RAVER2: variants seen among roughly 807,000 people sequenced by gnomAD.
RAVER2 encodes the protein ribonucleoprotein, PTB binding 2, also known as ribonucleoprotein PTB-binding 2.
In RAVER2, 46 loss-of-function variants were observed where a neutral mutation model predicts 78.1. The ratio of observed to expected loss-of-function variants is 0.59; its 90% CI spans 0.46 to 0.75. RAVER2 has a LOEUF of 0.75. Ranked by LOEUF, RAVER2 falls within the 30% of genes least tolerant of loss-of-function variation. The pLI, the probability that RAVER2 is intolerant of heterozygous loss-of-function variation, is 0.00. For synonymous variants in RAVER2, 311 were observed against 313.3 expected, an observed-to-expected ratio of 0.99 and a Z score of 0.08; for missense variants, 793 against 837.5, an observed-to-expected ratio of 0.95 and a Z score of 0.66.
At chr1:64,757,687 C>G (rs74994862) in intron 1 of RAVER2, among the ~76,000 whole-genome samples, 3,240 of 152,274 alleles carry the variant, frequency 0.021, 139 homozygotes, top group African/African-American at 0.075. Context: ...AAACCAAGAT[C>G]TGGAAACTAG....
At chr1:64,772,093 GGTAAT>G (rs1652336147) in intron 2 of RAVER2, among the ~76,000 whole-genome samples, 1 of 152,050 alleles carries the variant, frequency 6.6e-6, no homozygotes, top group Non-Finnish European at 1.5e-5. Flanking sequence ...CAAGGAAAAT[GGTAAT>G]GTAATTAATC....
At chr1:64,773,377 C>T (rs1557588722) in intron 2 of RAVER2, among the ~76,000 whole-genome samples, 3 of 151,904 alleles carry the variant, frequency 2.0e-5, no homozygotes, top group Admixed American at 6.6e-5. Flanking sequence ...ATGTTCCCCT[C>T]CCTGTGTCCA....
chr1:64,745,321 A>C lies in RAVER2; in HGVS notation c.149A>C (p.His50Pro). 3 of 1,534,506 alleles carry C rather than the reference A, an allele frequency of 2.0e-6. No individual in the cohort carries two copies. Among genetic ancestry groups the C allele is most frequent in the Non-Finnish European group, 2.6e-6 (3 of 1,139,284 alleles). ...CCGGACCCGATGCCCGCCGCGCTGC[A>C]CCCTGAGGAGGTCGCCGCGCGACTG... Residue 50 changes from histidine to proline, a missense_variant, in exon 1 of 12, where the codon CAC becomes CCC. Physicochemically the swap from His to Pro is moderately conservative, Grantham distance 77. Transcript: ENST00000294428. The surrounding 1 kb of genome is among the most constrained non-coding windows in gnomAD (Gnocchi z 4.3).
intron 2 of RAVER2, among the ~76,000 whole-genome samples, chr1:64,772,138 GAGT>G (rs2100827294): frequency 6.6e-6 from 1 of 152,176 alleles, no homozygotes; most frequent in African/African-American, 2.4e-5. Context: ...TTTCTCTGTA[GAGT>G]GACATCTACC....
At chr1:64,779,462 A>G (rs1446120475) in intron 3 of RAVER2, among the ~76,000 whole-genome samples, 1 of 151,958 alleles carries the variant, frequency 6.6e-6, no homozygotes, top group African/African-American at 2.4e-5. Flanking sequence ...CCACACTCCT[A>G]GGTTCAAGCG....
At chr1:64,813,663 T>G (rs1365900741) in intron 10 of RAVER2, among the ~76,000 whole-genome samples, 2 of 152,160 alleles carry the variant, frequency 1.3e-5, no homozygotes, top group Non-Finnish European at 2.9e-5. Context: ...TGAAATATCC[T>G]TGAATCCAAA....
chr1:64,769,969 C>T (rs1202869750), intron 2 of RAVER2, among the ~76,000 whole-genome samples: 1 of 152,080 alleles, frequency 6.6e-6, no homozygotes, highest in East Asian at 1.9e-4. Flanking sequence ...GTTAACGCAA[C>T]ATTGTTTTTC....
chr1:64,745,437 T>G lies in RAVER2; in HGVS notation c.249+16T>G, dbSNP rs1043239972. On this transcript the variant is annotated intron_variant, in intron 1 of 11. Coordinates refer to ENST00000294428, the Ensembl canonical transcript of RAVER2. The surrounding 1 kb of genome is among the most constrained non-coding windows in gnomAD (Gnocchi z 4.3). ...CAACTGCCAGGTACTGGGACGGTGA[T>G]AGGGGCGACGCGTCCCGAGGGGCGG... The G allele has an allele frequency of 7.3e-6, 11 of 1,510,120 alleles. No individual in the cohort carries two copies. The East Asian group carries it at 1.6e-4, about 22-fold the overall frequency. 93.5% of individuals were successfully genotyped at this position (1,510,120 alleles called of 1,614,324 possible). A position where few individuals can be genotyped will look rare whatever the true frequency, so the allele number is the denominator to read the frequency against.
At chr1:64,765,820 TC>T (rs544391271) in intron 1 of RAVER2, among the ~76,000 whole-genome samples, 244 of 152,358 alleles carry the variant, frequency 1.6e-3, no homozygotes, top group Admixed American at 0.013. Flanking sequence ...TGCTTCCATT[TC>T]CAGTCCAAAG....
At chr1:64,774,817 G>A (rs923280061) in intron 2 of RAVER2, among the ~76,000 whole-genome samples, 2 of 152,184 alleles carry the variant, frequency 1.3e-5, no homozygotes, top group Non-Finnish European at 2.9e-5. Context: ...AGCATGGAAT[G>A]TTTTTCCATT....
chr1:64,782,946 G>A (rs1470884477), intron 4 of RAVER2, among the ~76,000 whole-genome samples: 1 of 152,048 alleles, frequency 6.6e-6, no homozygotes, highest in Non-Finnish European at 1.5e-5. Flanking sequence ...TGTTCTCATT[G>A]TTCAGTTCCC....
At chr1:64,822,911 C>T (rs1653921185) in intron 11 of RAVER2, among the ~76,000 whole-genome samples, 1 of 152,108 alleles carries the variant, frequency 6.6e-6, no homozygotes, top group Non-Finnish European at 1.5e-5. Flanking sequence ...GAACATTATG[C>T]TAAATGAAAT....
At chr1:64,798,833 G>A (rs993782118) in intron 5 of RAVER2, among the ~76,000 whole-genome samples, 1 of 151,872 alleles carries the variant, frequency 6.6e-6, no homozygotes, top group African/African-American at 2.4e-5. Context: ...ATATTTATGG[G>A]GTACAGACTG....
chr1:64,821,641 C>T (rs1351556861), intron 11 of RAVER2, among the ~76,000 whole-genome samples: 1 of 152,116 alleles, frequency 6.6e-6, no homozygotes, highest in African/African-American at 2.4e-5. Flanking sequence ...ATCTGGTCTT[C>T]GACAAAGTTG....
At chr1:64,822,787 T>C (rs899687720) in intron 11 of RAVER2, among the ~76,000 whole-genome samples, 8 of 152,306 alleles carry the variant, frequency 5.3e-5, no homozygotes, top group Middle Eastern at 3.4e-3. Context: ...ACAACCCAAA[T>C]GTCCATCTAG....
chr1:64,791,024 AG>A (rs1652924712), intron 5 of RAVER2, among the ~76,000 whole-genome samples: 1 of 152,184 alleles, frequency 6.6e-6, no homozygotes, highest in African/African-American at 2.4e-5. Context: ...CAGTGCCCTC[AG>A]GTTCAATAGT....
chr1:64,809,534 G>A (rs998650459), intron 9 of RAVER2, among the ~76,000 whole-genome samples: 1 of 139,202 alleles, frequency 7.2e-6, no homozygotes, highest in Non-Finnish European at 1.6e-5. Flanking sequence ...AAGAGATTTG[G>A]ACCCCAACTC....
In RAVER2 at chr1:64,788,791, CA is replaced by C. The variant is rs35159558; in HGVS notation, c.979-581del. 2.2e-3 allele frequency among the ~76,000 whole-genome samples: 247 copies of C among 109,894 alleles called. 5 individuals are homozygous for C. Among genetic ancestry groups the C allele is most frequent in the Admixed American group, 2.4e-3 (28 of 11,490 alleles). 72.1% of individuals were successfully genotyped at this position (109,894 alleles called of 152,430 possible). A position where few individuals can be genotyped will look rare whatever the true frequency, so the allele number is the denominator to read the frequency against. The stretch of plus-strand genomic sequence containing the variant: ...TGGGTGACAGAGCGAGACTCCGTCT[CA>C]AAAAAAAAAAAAAAAGAAGATTTTG... On this transcript the variant is annotated intron_variant, in intron 4 of 11. Coordinates refer to ENST00000294428, the Ensembl canonical transcript of RAVER2.
intron 1 of RAVER2, among the ~76,000 whole-genome samples, chr1:64,762,847 A>G (rs934469041): frequency 6.6e-6 from 1 of 152,204 alleles, no homozygotes; most frequent in African/African-American, 2.4e-5. Context: ...AGGTCACAAA[A>G]GGCATTAACC....
Sources: allele counts gnomAD v4.1 joint callset (sites outside exome capture counted in the v4.1 genomes callset), GRCh38; gene constraint gnomAD v4.1.1; non-coding constraint Gnocchi (gnomAD v3.1); transcripts MANE v1.5; gene names NCBI Gene and HGNC (gene_info 2026-07-23, HGNC 2026-07-21).